PHYHIPL: variants seen among roughly 807,000 people sequenced by gnomAD.
The protein encoded by PHYHIPL is phytanoyl-CoA hydroxylase-interacting protein-like.
In PHYHIPL, 9 loss-of-function variants were observed where a neutral mutation model predicts 33.4. The observed-to-expected ratio is 0.27, with a 90% confidence interval of 0.16 to 0.47. The LOEUF (loss-of-function observed/expected upper bound fraction) is 0.47. Ranked by LOEUF, PHYHIPL falls within the 20% of genes least tolerant of loss-of-function variation. PHYHIPL has a pLI of 0.99. For missense variants in PHYHIPL, 365 were observed against 460.7 expected (o/e 0.79, Z 1.90); for synonymous variants, 153 against 154.1 (o/e 0.99, Z 0.05).
chr10:59,245,824 G>T lies in PHYHIPL; in HGVS notation c.*233G>T. The T allele has an allele frequency of 2.1e-6, 1 of 486,100 alleles. No homozygotes were observed. Among genetic ancestry groups the T allele is most frequent in the Admixed American group, 3.8e-5 (1 of 26,038 alleles). The allele number at this position is 486,100 out of a possible 1,614,324, so 30.1% of individuals were successfully genotyped here. A position where few individuals can be genotyped will look rare whatever the true frequency, so the allele number is the denominator to read the frequency against. On this transcript the variant is annotated 3_prime_UTR_variant, in exon 5 of 5. Coordinates refer to ENST00000373880, the MANE Select transcript of PHYHIPL (RefSeq NM_032439.4). ...ATACCCTAAGTTAAGTTCTCCTTTTGACACTTTATTGCCTAGATGCTGCAA... is the reference window on the plus strand; with the variant it reads ...ATACCCTAAGTTAAGTTCTCCTTTTTACACTTTATTGCCTAGATGCTGCAA...
chr10:59,182,406 A>G (rs977837664), intron 1 of PHYHIPL, among the ~76,000 whole-genome samples: 4 of 152,036 alleles, frequency 2.6e-5, no homozygotes, highest in South Asian at 2.1e-4. Context: ...GCAGTGGCGC[A>G]GTCTTGGCTC....
intron 1 of PHYHIPL, chr10:59,206,715 T>C (rs766665069): frequency 2.1e-6 from 2 of 972,940 alleles, no homozygotes; most frequent in Non-Finnish European, 2.7e-6. Context: ...TAAAAGTACA[T>C]AACTAAAAGC....
chr10:59,202,155 T>G (rs2436571), intron 1 of PHYHIPL, among the ~76,000 whole-genome samples: 1 of 151,966 alleles, frequency 6.6e-6, no homozygotes, highest in Non-Finnish European at 1.5e-5. Context: ...ATGTTAGAGA[T>G]GAAAATATGC....
At chr10:59,197,971 G>A (rs757826685) in intron 1 of PHYHIPL, among the ~76,000 whole-genome samples, 1 of 152,072 alleles carries the variant, frequency 6.6e-6, no homozygotes, top group Non-Finnish European at 1.5e-5. Flanking sequence ...TCCTCTTGTG[G>A]TATGGAGCAC....
chr10:59,246,353 A>AGTT lies in PHYHIPL; in HGVS notation c.*763_*765dup, dbSNP rs1417010493. 1.2e-5 allele frequency: 3 copies of AGTT among 242,912 alleles called. No homozygotes were observed. Among genetic ancestry groups the AGTT allele is most frequent in the African/African-American group, 2.2e-5 (1 of 45,054 alleles). 15.0% of individuals were successfully genotyped at this position (242,912 alleles called of 1,614,324 possible). On this transcript the variant is annotated 3_prime_UTR_variant, in exon 5 of 5. Transcript: ENST00000373880. ...GAAGGACATTATTCTGATTCATAAA[A>AGTT]GTTATAAAATATTAGGTAAATACAG...
intron 1 of PHYHIPL, among the ~76,000 whole-genome samples, chr10:59,205,958 T>G (rs72806592): frequency 0.055 from 8,401 of 152,270 alleles, 341 homozygotes; most frequent in Non-Finnish European, 0.085. Context: ...TGTAAGGAAC[T>G]TAAGGTCAGG....
Position 59,213,327 on chromosome 10 carries a change from C to T in PHYHIPL, c.107-20977C>T, listed in dbSNP as rs144421787. Among the ~76,000 whole-genome samples the T allele has an allele frequency of 5.7e-3, 865 of 152,154 alleles. 13 individuals carry two copies. Among genetic ancestry groups the T allele is most frequent in the African/African-American group, 0.02 (818 of 41,526 alleles). On this transcript the variant is annotated intron_variant, in intron 1 of 4. Transcript: ENST00000373880. ...ACAAAAATTTCTTTGATTTTTGCCC[C>T]ATCTTATACTCTAGCCTTATTTCCT...
At chr10:59,214,035 A>G (rs949260649) in intron 1 of PHYHIPL, among the ~76,000 whole-genome samples, 1 of 152,122 alleles carries the variant, frequency 6.6e-6, no homozygotes, top group African/African-American at 2.4e-5. Flanking sequence ...CATGGGGGGA[A>G]AGATGGATTA....
rs574081687 is a variant in PHYHIPL at position 59,212,960 on chromosome 10, A to G, written c.107-21344A>G. Among the ~76,000 whole-genome samples, 46 of 152,276 alleles carry G rather than the reference A, an allele frequency of 3.0e-4. No homozygotes were observed. The South Asian group carries it at 9.3e-3, about 31-fold the overall frequency. On this transcript the variant is annotated intron_variant, in intron 1 of 4. Coordinates refer to ENST00000373880, the MANE Select transcript of PHYHIPL (RefSeq NM_032439.4). Reference sequence around the variant, plus strand: ...ATTCTATTTGACTTCACTAGAAACCATATTTATTTGCCAATTCATTTTCGA... The same window carrying G: ...ATTCTATTTGACTTCACTAGAAACCGTATTTATTTGCCAATTCATTTTCGA...
intron 1 of PHYHIPL, among the ~76,000 whole-genome samples, chr10:59,230,755 CAT>C (rs944544037): frequency 1.3e-5 from 2 of 152,076 alleles, no homozygotes; most frequent in African/African-American, 2.4e-5. Flanking sequence ...TTTATGGAGA[CAT>C]AATTCTTCAA....
intron 1 of PHYHIPL, among the ~76,000 whole-genome samples, chr10:59,195,177 CT>C: frequency 6.7e-6 from 1 of 149,936 alleles, no homozygotes; most frequent in South Asian, 2.2e-4. Flanking sequence ...AATTTAATTG[CT>C]TTTAAAATGA....
chr10:59,199,588 T>G (rs902563605), intron 1 of PHYHIPL, among the ~76,000 whole-genome samples: 3 of 152,230 alleles, frequency 2.0e-5, no homozygotes, highest in Non-Finnish European at 4.4e-5. Flanking sequence ...TCCAATTCTG[T>G]GAAGAAAGTC....
chr10:59,212,931 A>T (rs1589278817), intron 1 of PHYHIPL, among the ~76,000 whole-genome samples: 1 of 152,278 alleles, frequency 6.6e-6, no homozygotes, highest in Middle Eastern at 3.4e-3. Context: ...TAATTCATGT[A>T]ATGATTCTAT....
At chr10:59,238,262 G>A (rs1485206466) in intron 3 of PHYHIPL, among the ~76,000 whole-genome samples, 1 of 151,936 alleles carries the variant, frequency 6.6e-6, no homozygotes, top group Non-Finnish European at 1.5e-5. Context: ...ACTGGTTGAA[G>A]AAAAGCTAGT....
chr10:59,236,879 T>G (rs1242748466), intron 3 of PHYHIPL, among the ~76,000 whole-genome samples: 1 of 151,914 alleles, frequency 6.6e-6, no homozygotes, highest in South Asian at 2.1e-4. Context: ...ATCATTTTTT[T>G]CTATATCCAT....
intron 1 of PHYHIPL, among the ~76,000 whole-genome samples, chr10:59,188,853 T>C (rs1198657875): frequency 1.3e-5 from 2 of 152,152 alleles, no homozygotes; most frequent in Admixed American, 6.6e-5. Flanking sequence ...TTTGAGCCTA[T>C]GTGTGTCTCT....
At chr10:59,200,036 A>T (rs539812956) in intron 1 of PHYHIPL, among the ~76,000 whole-genome samples, 2 of 152,270 alleles carry the variant, frequency 1.3e-5, no homozygotes, top group East Asian at 3.9e-4. Flanking sequence ...TTCCTAATTG[A>T]ATACCCTTTA....
At position 59,245,612 on chromosome 10, in the gene PHYHIPL, A is replaced by G. The variant is rs1310749981; in HGVS notation, c.*21A>G. On this transcript the variant is annotated 3_prime_UTR_variant, in exon 5 of 5. Coordinates refer to ENST00000373880, the MANE Select transcript of PHYHIPL (RefSeq NM_032439.4). The stretch of plus-strand genomic sequence containing the variant: ...GTTAATGCCCACTTTTCTTATTCTT[A>G]CTCAGCCCCTTTTCCTCCCTTAGGA... 6.4e-7 allele frequency: 1 copy of G among 1,558,660 alleles called. No individual in the cohort carries two copies. Among genetic ancestry groups the G allele is most frequent in the Non-Finnish European group, 8.6e-7 (1 of 1,156,496 alleles).
chr10:59,246,864 T>C lies in PHYHIPL; in HGVS notation c.*1273T>C. Reference sequence around the variant, plus strand: ...TTAGATTATATACTACAGACACATATCTATCCAAAATACCTATTTTAAATT... The same window carrying C: ...TTAGATTATATACTACAGACACATACCTATCCAAAATACCTATTTTAAATT... On this transcript the variant is annotated 3_prime_UTR_variant, in exon 5 of 5. Coordinates refer to ENST00000373880, the MANE Select transcript of PHYHIPL (RefSeq NM_032439.4). The C allele has an allele frequency of 2.7e-6, 1 of 375,418 alleles. No homozygotes were observed. The highest frequency in any genetic ancestry group is 4.7e-6 in the Non-Finnish European group (1 of 211,862). 23.3% of individuals were successfully genotyped at this position (375,418 alleles called of 1,614,324 possible).
Sources: allele counts gnomAD v4.1 joint callset (sites outside exome capture counted in the v4.1 genomes callset), GRCh38; gene constraint gnomAD v4.1.1; transcripts MANE v1.5; gene names NCBI Gene and HGNC (gene_info 2026-07-23, HGNC 2026-07-21).